TM4SF20: variants seen among roughly 807,000 people sequenced by gnomAD.
The protein encoded by TM4SF20 is transmembrane 4 L6 family member 20.
TM4SF20 carries 13 observed loss-of-function variants against 15.1 expected under a neutral mutation model. The ratio of observed to expected loss-of-function variants is 0.86; its 90% CI spans 0.56 to 1.36. The LOEUF (loss-of-function observed/expected upper bound fraction) is 1.36. Ranked by LOEUF, TM4SF20 falls within the 40% of genes most tolerant of loss-of-function variation. TM4SF20 has a pLI of 0.00. For synonymous variants in TM4SF20, 92 were observed against 96.6 expected, an observed-to-expected ratio of 0.95 and a Z score of 0.28; for missense variants, 282 against 268.4, an observed-to-expected ratio of 1.05 and a Z score of -0.35.
intron 1 of TM4SF20, among the ~76,000 whole-genome samples, chr2:227,374,634 C>T (rs2076438262): frequency 1.3e-5 from 2 of 151,920 alleles, no homozygotes; most frequent in African/African-American, 4.8e-5. Flanking sequence ...TACAGAGCCC[C>T]CTAATTGTAT....
chr2:227,367,505 C>T (rs1168208953), intron 2 of TM4SF20, among the ~76,000 whole-genome samples: 1 of 151,456 alleles, frequency 6.6e-6, no homozygotes, highest in Non-Finnish European at 1.5e-5. Flanking sequence ...AAGAGCCCAT[C>T]TCTAAAAGAA....
upstream of TM4SF20, among the ~76,000 whole-genome samples, chr2:227,380,856 G>A (rs140369408): frequency 6.0e-3 from 907 of 152,274 alleles, 5 homozygotes; most frequent in African/African-American, 0.021. Flanking sequence ...ACACAGCCTG[G>A]TACAAGGGGC....
intron 2 of TM4SF20, among the ~76,000 whole-genome samples, chr2:227,370,318 T>G (rs2076414341): frequency 6.6e-6 from 1 of 152,142 alleles, no homozygotes; most frequent in Non-Finnish European, 1.5e-5. Flanking sequence ...GGGCGTGACT[T>G]ACCAATCTCC....
Position 227,363,587 on chromosome 2 carries a change from T to G in TM4SF20, c.*137A>C. On this transcript the variant is annotated 3_prime_UTR_variant, in exon 4 of 4. Transcript: ENST00000304568. ...ACCTTTCCCAAATCAACCACTGATA[T>G]GAGAGTGTTATGCATTTACAACGTG... The G allele has an allele frequency of 5.2e-5, 43 of 825,382 alleles. No homozygotes were observed. The highest frequency in any genetic ancestry group is 6.5e-5 in the Non-Finnish European group (35 of 536,540). The allele number at this position is 825,382 out of a possible 1,614,324, so 51.1% of individuals were successfully genotyped here. A position where few individuals can be genotyped will look rare whatever the true frequency, so the allele number is the denominator to read the frequency against.
chr2:227,378,113 C>T (rs2076460971), intron 1 of TM4SF20, among the ~76,000 whole-genome samples: 1 of 152,062 alleles, frequency 6.6e-6, no homozygotes, highest in African/African-American at 2.4e-5. Context: ...CACACACACA[C>T]ATTCATTTAT....
At chr2:227,373,881 A>G (rs549815276) in intron 1 of TM4SF20, among the ~76,000 whole-genome samples, 1 of 146,248 alleles carries the variant, frequency 6.8e-6, no homozygotes, top group Non-Finnish European at 1.5e-5. Flanking sequence ...GTGAGCCGAG[A>G]TCGCGCCACT....
At chr2:227,372,213 G>C (rs1366694428) in intron 1 of TM4SF20, among the ~76,000 whole-genome samples, 1 of 152,182 alleles carries the variant, frequency 6.6e-6, no homozygotes, top group Non-Finnish European at 1.5e-5. Flanking sequence ...ACACGCCTTA[G>C]TTTATTCCAT....
chr2:227,369,464 T>G (rs930873347), intron 2 of TM4SF20, among the ~76,000 whole-genome samples: 2 of 145,542 alleles, frequency 1.4e-5, no homozygotes, highest in African/African-American at 5.1e-5. Flanking sequence ...CTTACTCATC[T>G]GTTGCCCAGG....
At chr2:227,374,469 A>C (rs2076437644) in intron 1 of TM4SF20, among the ~76,000 whole-genome samples, 3 of 151,882 alleles carry the variant, frequency 2.0e-5, no homozygotes, top group African/African-American at 7.3e-5. Context: ...ATTATATATA[A>C]ATTTTCCAGA....
chr2:227,364,383 A>ACCCCCCCCCCCC (rs1315331304), intron 3 of TM4SF20, among the ~76,000 whole-genome samples: 2 of 143,446 alleles, frequency 1.4e-5, no homozygotes, highest in African/African-American at 5.6e-5. Flanking sequence ...AGCCTCCCCT[A>ACCCCCCCCCCCC]CCCCCCGCCA....
intron 2 of TM4SF20, among the ~76,000 whole-genome samples, chr2:227,368,354 T>TAA (rs2076404001): frequency 7.3e-6 from 1 of 136,360 alleles, no homozygotes. Context: ...TATATATATA[T>TAA]AATTTTTTGT....
Position 227,370,991 on chromosome 2 carries a change from C to T in TM4SF20, c.184-11G>A. ...TGTTGCTGGAATGGCCTGGAAATGA[C>T]ATCAACAGGAAAGATGAGTATTATA... On this transcript the variant is annotated splice_polypyrimidine_tract_variant and intron_variant, in intron 1 of 3. Transcript: ENST00000304568. 1 of 1,612,416 alleles carries T rather than the reference C, an allele frequency of 6.2e-7. No individual in the cohort carries two copies. Among genetic ancestry groups the T allele is most frequent in the Admixed American group, 1.7e-5 (1 of 60,010 alleles).
At position 227,364,855 on chromosome 2, in the gene TM4SF20, A is replaced by C. The variant is rs142104871; in HGVS notation, c.402-843T>G. ...CATTCCCTGGGGATTTAATGTGCAT[A>C]GCATCTGTGGTAGAAATCTTTAACC... On this transcript the variant is annotated intron_variant, in intron 3 of 3. Coordinates refer to ENST00000304568, the MANE Select transcript of TM4SF20 (RefSeq NM_024795.4). Among the ~76,000 whole-genome samples, 124 of 152,312 alleles carry C rather than the reference A, an allele frequency of 8.1e-4. 2 individuals are homozygous for C. In the East Asian group the frequency reaches 0.021, roughly 26 times the overall value.
upstream of TM4SF20, among the ~76,000 whole-genome samples, chr2:227,379,766 GT>G (rs1338287256): frequency 2.0e-5 from 3 of 152,210 alleles, no homozygotes; most frequent in Non-Finnish European, 4.4e-5. Context: ...AAAAGAAAAT[GT>G]TTATGTCATA....
intron 1 of TM4SF20, among the ~76,000 whole-genome samples, chr2:227,375,260 G>T (rs1317848652): frequency 6.6e-6 from 1 of 151,996 alleles, no homozygotes; most frequent in Non-Finnish European, 1.5e-5. Flanking sequence ...GGCAATAGTG[G>T]TGCATGCCTA....
intron 1 of TM4SF20, among the ~76,000 whole-genome samples, chr2:227,374,103 A>AT: frequency 6.6e-6 from 1 of 150,596 alleles, no homozygotes; most frequent in South Asian, 2.1e-4. Flanking sequence ...AAAAAAAAAA[A>AT]AAAAAAAAAG....
chr2:227,363,463 C>A lies in TM4SF20; in HGVS notation c.*261G>T. The A allele has an allele frequency of 3.2e-6, 1 of 313,970 alleles. No individual in the cohort carries two copies. The highest frequency in any genetic ancestry group is 6.0e-5 in the East Asian group (1 of 16,798). The allele number at this position is 313,970 out of a possible 1,614,324, so 19.4% of individuals were successfully genotyped here. A position where few individuals can be genotyped will look rare whatever the true frequency, so the allele number is the denominator to read the frequency against. Reference sequence around the variant, plus strand: ...GTACTTTTATTTTCAGGATGACTTCCGTTCCTTCTCATCCTCCTTCCCTTC... The same window carrying A: ...GTACTTTTATTTTCAGGATGACTTCAGTTCCTTCTCATCCTCCTTCCCTTC... On this transcript the variant is annotated 3_prime_UTR_variant, in exon 4 of 4. Transcript: ENST00000304568.
intron 1 of TM4SF20, 56 bp downstream of exon 1, chr2:227,379,030 A>G: frequency 3.2e-6 from 5 of 1,558,282 alleles, no homozygotes; most frequent in Non-Finnish European, 4.4e-6. Flanking sequence ...AGCTTTTAGG[A>G]TTTTGGTGAA....
intron 2 of TM4SF20, among the ~76,000 whole-genome samples, chr2:227,370,156 T>G (rs2076413435): frequency 6.6e-6 from 1 of 152,210 alleles, no homozygotes; most frequent in Non-Finnish European, 1.5e-5. Context: ...ACCTGGCAGC[T>G]CCTTTAATTT....
Sources: gnomAD v4.1 joint callset for allele counts (sites outside exome capture counted in the v4.1 genomes callset) on GRCh38, gnomAD v4.1.1 for gene constraint, MANE v1.5 for transcripts, NCBI Gene and HGNC (gene_info 2026-07-23, HGNC 2026-07-21) for gene names.